The following INTU variants were observed in gnomAD, a reference collection of about 807,000 sequenced individuals.
The protein encoded by INTU is protein inturned.
A neutral mutation model predicts 100.5 loss-of-function variants in INTU; 68 were observed. The ratio of observed to expected loss-of-function variants is 0.68; its 90% CI spans 0.56 to 0.83. The LOEUF (loss-of-function observed/expected upper bound fraction) is 0.83, where lower values mean the gene tolerates loss of function less well. Among genes scored for constraint, INTU ranks in the 40% least tolerant of loss-of-function variants. The pLI is 0.00. For synonymous variants in INTU, 357 were observed against 395.7 expected, an observed-to-expected ratio of 0.90 and a Z score of 1.16; for missense variants, 1,071 against 1,114.7, an observed-to-expected ratio of 0.96 and a Z score of 0.56.
At chr4:127,684,336 G>A (rs1356643974) in intron 6 of INTU, 73 bp from the exon 7 acceptor site, 1 of 817,214 alleles carries the variant, frequency 1.2e-6, no homozygotes, top group Non-Finnish European at 2.0e-6. Flanking sequence ...AAAATTCAAG[G>A]ATGATCTACT....
In INTU at chr4:127,718,284, G is replaced by A. The variant is rs1422532858; in HGVS notation, c.*1848G>A. ...TTTTTCTCAGGTTTGTTGAAGATCA[G>A]ATGGTTGTAGATGTGCAATCTTATT... On this transcript the variant is annotated 3_prime_UTR_variant, in exon 16 of 16. Coordinates refer to ENST00000335251, the MANE Select transcript of INTU (RefSeq NM_015693.4). 6.6e-6 allele frequency: 1 copy of A among 152,164 alleles called. No individual in the cohort carries two copies. The highest frequency in any genetic ancestry group is 1.5e-5 in the Non-Finnish European group (1 of 68,030). The allele number at this position is 152,164 out of a possible 1,614,324, so 9.4% of individuals were successfully genotyped here.
intron 5 of INTU, among the ~76,000 whole-genome samples, chr4:127,673,141 C>A (rs891875812): frequency 6.6e-6 from 1 of 152,096 alleles, no homozygotes; most frequent in African/African-American, 2.4e-5. Flanking sequence ...TAGGCAGTCA[C>A]AAAATATTTG....
chr4:127,651,188 A>C (rs1727852982), intron 2 of INTU, among the ~76,000 whole-genome samples: 2 of 151,906 alleles, frequency 1.3e-5, no homozygotes, highest in South Asian at 4.2e-4. Flanking sequence ...CTCTGATGGT[A>C]GTTTCTTTTG....
rs779552691 is a variant in INTU, at chr4:127,633,066, C to G, written c.32C>G (p.Pro11Arg). The G allele has an allele frequency of 7.4e-6, 12 of 1,613,664 alleles. No individual in the cohort carries two copies. The Admixed American group carries it at 2.0e-4, about 27-fold the overall frequency. Residue 11 changes from proline (P) to arginine (R), a missense_variant, in exon 1 of 16, where the codon CCG (proline) becomes CGG (arginine). Physicochemically the swap from Pro to Arg is moderately radical, Grantham distance 103 (BLOSUM62 -2). Transcript: ENST00000335251. ...TCTGTGGCTTCGTGCGATTCGCGTC[C>G]GAGCTCAGACGAGCTCCCTGGAGAC... MASVASCDSRPSSDELPGDPS... is the reference protein window; with the variant it reads MASVASCDSRRSSDELPGDPS...
At chr4:127,710,141 G>T (rs1215345997) in intron 13 of INTU, among the ~76,000 whole-genome samples, 1 of 151,982 alleles carries the variant, frequency 6.6e-6, no homozygotes, top group African/African-American at 2.4e-5. Context: ...CTTTTTTCAA[G>T]TTCAATGGTT....
rs75502563 is a variant in INTU at position 127,666,915 on chromosome 4, A to C, written c.973-2121A>C. 3.5e-4 allele frequency among the ~76,000 whole-genome samples: 54 copies of C among 152,296 alleles called. No homozygotes were observed. The East Asian group carries it at 0.01, about 28-fold the overall frequency. On this transcript the variant is annotated intron_variant, in intron 4 of 15. Transcript: ENST00000335251. ...GATGCATTTCCTTGTGTTGCTTCAT[A>C]TATCAAAATTTAGTGAATAATCAAA...
chr4:127,652,029 T>C (rs1169711573), intron 2 of INTU, among the ~76,000 whole-genome samples: 1 of 146,278 alleles, frequency 6.8e-6, no homozygotes, highest in African/African-American at 2.6e-5. Context: ...TTGTCTGTTA[T>C]TGGTGTATAA....
At chr4:127,691,901 G>T (rs556636466) in intron 8 of INTU, among the ~76,000 whole-genome samples, 1 of 145,364 alleles carries the variant, frequency 6.9e-6, no homozygotes, top group East Asian at 2.0e-4. Context: ...ATTCCATCCA[G>T]GTTGCTGCAA....
chr4:127,698,337 C>T (rs1436695260), intron 8 of INTU, among the ~76,000 whole-genome samples: 1 of 151,902 alleles, frequency 6.6e-6, no homozygotes, highest in Non-Finnish European at 1.5e-5. Context: ...TGGCGGGCGC[C>T]TGTAGTCCCA....
intron 8 of INTU, among the ~76,000 whole-genome samples, chr4:127,688,509 T>C (rs770025344): frequency 5.3e-5 from 8 of 152,228 alleles, no homozygotes; most frequent in Non-Finnish European, 1.2e-4. Context: ...TAGTATTAAA[T>C]GAGGCATTAT....
At chr4:127,698,391 G>A (rs1221407685) in intron 8 of INTU, among the ~76,000 whole-genome samples, 1 of 151,822 alleles carries the variant, frequency 6.6e-6, no homozygotes, top group Non-Finnish European at 1.5e-5. Flanking sequence ...GAACCTAGGA[G>A]GCAGAGCTTG....
chr4:127,659,421 T>G (rs1728375702), intron 3 of INTU, among the ~76,000 whole-genome samples: 1 of 152,200 alleles, frequency 6.6e-6, no homozygotes, highest in Admixed American at 6.5e-5. Context: ...ATAGTGCCAT[T>G]AGGTGTGGGA....
At chr4:127,667,999 A>C (rs1728768171) in intron 4 of INTU, among the ~76,000 whole-genome samples, 1 of 152,066 alleles carries the variant, frequency 6.6e-6, no homozygotes, top group Admixed American at 6.6e-5. Flanking sequence ...AGAACCAGAG[A>C]AAATACATGA....
At chr4:127,694,280 T>C (rs1343984357) in intron 8 of INTU, among the ~76,000 whole-genome samples, 2 of 152,040 alleles carry the variant, frequency 1.3e-5, no homozygotes, top group African/African-American at 4.8e-5. Context: ...ATCCTATATC[T>C]TCCTTGTTTC....
chr4:127,678,673 C>A (rs1380231416), intron 6 of INTU, among the ~76,000 whole-genome samples: 1 of 152,154 alleles, frequency 6.6e-6, no homozygotes, highest in African/African-American at 2.4e-5. Context: ...ACCATCGAGG[C>A]TAGGAAGAAA....
chr4:127,702,227 G>GA (rs898307758), intron 9 of INTU, among the ~76,000 whole-genome samples: 2 of 151,530 alleles, frequency 1.3e-5, no homozygotes, highest in African/African-American at 2.4e-5. Context: ...ATTCATAAAA[G>GA]AAAAAATGGA....
At chr4:127,648,967 T>C (rs1727709713) in intron 2 of INTU, among the ~76,000 whole-genome samples, 1 of 152,120 alleles carries the variant, frequency 6.6e-6, no homozygotes, top group Non-Finnish European at 1.5e-5. Flanking sequence ...CCCATCTGAG[T>C]TGTATCTCTT....
rs887460535 is a variant in INTU, at chr4:127,651,449, A to T, written c.683-5187A>T. Among the ~76,000 whole-genome samples, 11 of 152,222 alleles carry T rather than the reference A, an allele frequency of 7.2e-5. No individual in the cohort carries two copies. The South Asian group carries it at 8.3e-4, about 11-fold the overall frequency. ...GCTTTCTACATATGGCTAGCCAGTT[A>T]TCCCAGCACCATTTATTAAATAGGG... On this transcript the variant is annotated intron_variant, in intron 2 of 15. Transcript: ENST00000335251.
chr4:127,677,433 C>T (rs1199596228), intron 6 of INTU, among the ~76,000 whole-genome samples: 3 of 150,570 alleles, frequency 2.0e-5, no homozygotes, highest in Non-Finnish European at 4.4e-5. Context: ...CAGCAGCATT[C>T]GCGGTTCACG....
Sources: allele counts gnomAD v4.1 joint callset (sites outside exome capture counted in the v4.1 genomes callset), GRCh38; gene constraint gnomAD v4.1.1; transcripts MANE v1.5; gene names NCBI Gene and HGNC (gene_info 2026-07-23, HGNC 2026-07-21).